The following FAM118B variants were observed in gnomAD, a reference collection of about 807,000 sequenced individuals.
FAM118B encodes SIR2 antiphage like 1.
A neutral mutation model predicts 38.5 loss-of-function variants in FAM118B; 24 were observed. The observed-to-expected ratio is 0.62, with a 90% confidence interval of 0.45 to 0.88. The LOEUF is 0.88. FAM118B is among the 40% of genes least tolerant of loss of function. FAM118B has a pLI of 0.00. For missense variants in FAM118B, 334 were observed against 420.0 expected (o/e 0.80, Z 1.79); for synonymous variants, 138 against 156.3 (o/e 0.88, Z 0.87).
At chr11:126,226,582 A>G (rs1208248763) in intron 1 of FAM118B, among the ~76,000 whole-genome samples, 1 of 152,268 alleles carries the variant, frequency 6.6e-6, no homozygotes, top group Non-Finnish European at 1.5e-5. Context: ...GGCTGCATAT[A>G]GATCACCCCC....
In FAM118B at chr11:126,262,298, T is replaced by G. The variant is rs990042010; in HGVS notation, c.*165T>G. The G allele has an allele frequency of 3.2e-6, 2 of 623,034 alleles. No homozygotes were observed. The highest frequency in any genetic ancestry group is 3.8e-5 in the African/African-American group (2 of 52,732). The allele number at this position is 623,034 out of a possible 1,614,324, so 38.6% of individuals were successfully genotyped here. On this transcript the variant is annotated 3_prime_UTR_variant, in exon 9 of 9. Coordinates refer to ENST00000533050, the MANE Select transcript of FAM118B (RefSeq NM_024556.4). ...GGGGGGAATGTTGCAGCGTAATCCT[T>G]CATACCACCTGGTTCTTGATATTCT...
chr11:126,232,438 T>A (rs1160748742), intron 2 of FAM118B, among the ~76,000 whole-genome samples: 1 of 152,152 alleles, frequency 6.6e-6, no homozygotes, highest in African/African-American at 2.4e-5. Context: ...GTCCATGGCA[T>A]GTAGTTAAGA....
At chr11:126,212,905 G>A (rs995701959) in intron 1 of FAM118B, among the ~76,000 whole-genome samples, 1 of 152,174 alleles carries the variant, frequency 6.6e-6, no homozygotes, top group Non-Finnish European at 1.5e-5. Flanking sequence ...TGGAATTCTG[G>A]AAATGAATCT....
chr11:126,220,120 G>A (rs756123017), intron 1 of FAM118B, among the ~76,000 whole-genome samples: 16 of 152,116 alleles, frequency 1.1e-4, no homozygotes, highest in South Asian at 2.1e-4. Context: ...TTAGCTCCAC[G>A]TTGGAGGAAG....
intron 4 of FAM118B, among the ~76,000 whole-genome samples, chr11:126,242,628 G>A (rs1258789140): frequency 6.6e-6 from 1 of 152,148 alleles, no homozygotes; most frequent in African/African-American, 2.4e-5. Context: ...AAGTGCATAC[G>A]AAAAGATGTT....
At chr11:126,221,630 T>G (rs1323939507) in intron 1 of FAM118B, among the ~76,000 whole-genome samples, 2 of 151,888 alleles carry the variant, frequency 1.3e-5, no homozygotes, top group African/African-American at 4.8e-5. Context: ...GGTAGCGTTT[T>G]GGGAGTCCTT....
In FAM118B at chr11:126,262,242, A is replaced by G; in HGVS notation, c.*109A>G. ...CCAACACAATTCCCAGAAAGTAACA[A>G]TAGCCAGAGGTTGAAGGGCGGGGTA... On this transcript the variant is annotated 3_prime_UTR_variant, in exon 9 of 9. Transcript: ENST00000533050. 8.0e-7 allele frequency: 1 copy of G among 1,249,254 alleles called. No homozygotes were observed. The highest frequency in any genetic ancestry group is 1.2e-6 in the Non-Finnish European group (1 of 856,936). The allele number at this position is 1,249,254 out of a possible 1,614,324, so 77.4% of individuals were successfully genotyped here. A position where few individuals can be genotyped will look rare whatever the true frequency, so the allele number is the denominator to read the frequency against.
intron 1 of FAM118B, among the ~76,000 whole-genome samples, chr11:126,223,969 C>T (rs1030613381): frequency 3.3e-5 from 5 of 152,184 alleles, no homozygotes; most frequent in Admixed American, 6.5e-5. Context: ...CCATTTGTTC[C>T]ATTTAAAAAC....
intron 2 of FAM118B, among the ~76,000 whole-genome samples, chr11:126,232,983 T>G (rs753544150): frequency 6.6e-6 from 1 of 152,186 alleles, no homozygotes; most frequent in Non-Finnish European, 1.5e-5. Context: ...GGAAGATGGC[T>G]TAATGGTATA....
chr11:126,250,576 A>G lies in FAM118B; in HGVS notation c.410A>G (p.Lys137Arg), dbSNP rs746487595. The G allele has an allele frequency of 6.2e-7, 1 of 1,614,160 alleles. No individual in the cohort carries two copies. ...LYEVFDDLES[K>R]MEDSGKQLLQ... The stretch of plus-strand genomic sequence containing the variant: ...GAAGTATTTGATGACTTGGAGTCAA[A>G]GATGGAAGATTCTGGAAAACAGCTA... The change falls in exon 5 of 9, where the codon AAG becomes AGG. Residue 137 changes from lysine to arginine, a missense_variant. Physicochemically the swap from Lys to Arg is conservative, Grantham distance 26. This residue lies in a region of FAM118B where 240 missense variants were observed against 295.9 expected (regional missense o/e 0.81). Coordinates refer to ENST00000533050, the MANE Select transcript of FAM118B (RefSeq NM_024556.4). This position sits in a 1 kb window ranked among gnomAD's most constrained non-coding sequence, Gnocchi z 5.1.
chr11:126,247,243 G>A (rs1399068008), intron 4 of FAM118B, among the ~76,000 whole-genome samples: 3 of 152,242 alleles, frequency 2.0e-5, no homozygotes, highest in South Asian at 2.1e-4. Context: ...AATGAGCCAC[G>A]TTCATGCCAC....
intron 1 of FAM118B, among the ~76,000 whole-genome samples, chr11:126,218,271 A>C (rs1950007166): frequency 6.6e-6 from 1 of 152,098 alleles, no homozygotes; most frequent in Non-Finnish European, 1.5e-5. Context: ...GGGCCTTTGC[A>C]CCTGTGCCTC....
intron 4 of FAM118B, among the ~76,000 whole-genome samples, chr11:126,243,158 A>G (rs1001770503): frequency 2.6e-5 from 4 of 152,244 alleles, no homozygotes; most frequent in Admixed American, 6.5e-5. Flanking sequence ...AGGCAAATCC[A>G]TAGAACAGAA....
intron 1 of FAM118B, among the ~76,000 whole-genome samples, chr11:126,221,541 T>C (rs1950062292): frequency 6.6e-6 from 1 of 152,106 alleles, no homozygotes; most frequent in African/African-American, 2.4e-5. Flanking sequence ...GAAAGTACCT[T>C]TCAATATTGA....
chr11:126,237,023 T>C (rs2135161693), intron 3 of FAM118B, among the ~76,000 whole-genome samples: 1 of 149,470 alleles, frequency 6.7e-6, no homozygotes, highest in Non-Finnish European at 1.5e-5. Context: ...TTCACACCAT[T>C]CTCCTGCCTC....
Position 126,211,838 on chromosome 11 carries a change from T to C in FAM118B, c.-77+8T>C. 2 of 588,872 alleles carry C rather than the reference T, an allele frequency of 3.4e-6. No individual in the cohort carries two copies. The highest frequency in any genetic ancestry group is 5.9e-6 in the Non-Finnish European group (2 of 337,186). The allele number at this position is 588,872 out of a possible 1,614,324, so 36.5% of individuals were successfully genotyped here. A position where few individuals can be genotyped will look rare whatever the true frequency, so the allele number is the denominator to read the frequency against. ...GCGTTTGGAGGAGACTCGGTGAGTGTGTAGGGAAGCCGGGCTGGGGCTGGG... is the reference window on the plus strand; with the variant it reads ...GCGTTTGGAGGAGACTCGGTGAGTGCGTAGGGAAGCCGGGCTGGGGCTGGG... On this transcript the variant is annotated splice_region_variant and intron_variant, in intron 1 of 8. Coordinates refer to ENST00000533050, the MANE Select transcript of FAM118B (RefSeq NM_024556.4).
rs751735410 is a variant in FAM118B, at chr11:126,262,099, CTCTT to C, written c.1043-19_1043-16del. On this transcript the variant is annotated splice_polypyrimidine_tract_variant and intron_variant, in intron 8 of 8. Transcript: ENST00000533050. ...CTGTTTTGTGAAACTTCATTTTGTT[CTCTT>C]TTCTTTCTCCCTACAGGCTGTAGTA... 6.2e-7 allele frequency: 1 copy of C among 1,613,814 alleles called. No individual in the cohort carries two copies. Among genetic ancestry groups the C allele is most frequent in the South Asian group, 1.1e-5 (1 of 91,038 alleles).
chr11:126,229,504 G>T (rs1013653296), intron 2 of FAM118B, among the ~76,000 whole-genome samples: 1 of 152,038 alleles, frequency 6.6e-6, no homozygotes, highest in Admixed American at 6.6e-5. Context: ...GTGCAGTGGC[G>T]CCATCTCGGC....
chr11:126,232,671 A>AT (rs999918565), intron 2 of FAM118B, among the ~76,000 whole-genome samples: 4 of 151,750 alleles, frequency 2.6e-5, no homozygotes, highest in Admixed American at 6.6e-5. Context: ...TAAAAAATAT[A>AT]TTTTTTTAAG....
Sources: allele counts gnomAD v4.1 joint callset (sites outside exome capture counted in the v4.1 genomes callset), GRCh38; gene constraint gnomAD v4.1.1; regional missense constraint gnomAD v4.1.1; non-coding constraint Gnocchi (gnomAD v3.1); transcripts MANE v1.5; gene names NCBI Gene and HGNC (gene_info 2026-07-23, HGNC 2026-07-21).